SORCS3: variants seen among roughly 807,000 people sequenced by gnomAD.
The protein encoded by SORCS3 is sortilin related VPS10 domain containing receptor 3, also known as VPS10 domain-containing receptor SorCS3.
A neutral mutation model predicts 146.3 loss-of-function variants in SORCS3; 57 were observed. The ratio of observed to expected loss-of-function variants is 0.39; its 90% CI spans 0.31 to 0.49. The LOEUF (loss-of-function observed/expected upper bound fraction) is 0.49, where lower values mean the gene tolerates loss of function less well. Among genes scored for constraint, SORCS3 ranks in the 20% least tolerant of loss-of-function variants. The probability of loss-of-function intolerance (pLI) is 0.92; values close to 1 mark genes in which losing one functional copy is unlikely to be tolerated. For missense variants in SORCS3, 1,341 were observed against 1,575.5 expected, an observed-to-expected ratio of 0.85 and a Z score of 2.52; for synonymous variants, 653 against 618.5, an observed-to-expected ratio of 1.06 and a Z score of -0.83.
At chr10:104,864,597 C>T (rs2018440736) in intron 2 of SORCS3, among the ~76,000 whole-genome samples, 1 of 152,236 alleles carries the variant, frequency 6.6e-6, no homozygotes, top group Non-Finnish European at 1.5e-5. Context: ...GCAATATCAG[C>T]CAGTGGAGTG....
chr10:105,122,448 A>G (rs1322191239), intron 7 of SORCS3, among the ~76,000 whole-genome samples: 1 of 152,190 alleles, frequency 6.6e-6, no homozygotes, highest in Non-Finnish European at 1.5e-5. Context: ...GCTTGATGTG[A>G]TTGAGGATCT....
chr10:105,087,908 C>T (rs55688465), intron 5 of SORCS3, among the ~76,000 whole-genome samples: 4,793 of 152,218 alleles, frequency 0.031, 109 homozygotes, highest in Non-Finnish European at 0.046. Flanking sequence ...ATTGGTCTGG[C>T]GAAGAGGACA....
chr10:105,092,837 A>G (rs1436454290), intron 6 of SORCS3, among the ~76,000 whole-genome samples: 1 of 152,174 alleles, frequency 6.6e-6, no homozygotes, highest in Non-Finnish European at 1.5e-5. Flanking sequence ...CTGATAAAGG[A>G]CATCTACAAA....
At chr10:104,955,043 TTAAC>T (rs2019472457) in intron 3 of SORCS3, among the ~76,000 whole-genome samples, 1 of 152,184 alleles carries the variant, frequency 6.6e-6, no homozygotes. Flanking sequence ...TTAACTAAAA[TTAAC>T]TATTTTTAAA....
chr10:104,804,372 T>C (rs193044528), intron 1 of SORCS3, among the ~76,000 whole-genome samples: 21 of 152,356 alleles, frequency 1.4e-4, no homozygotes, highest in African/African-American at 5.0e-4. Flanking sequence ...AAACAGGTTG[T>C]TGAAAGTTTC....
At chr10:104,962,328 C>A (rs2054800933) in intron 3 of SORCS3, among the ~76,000 whole-genome samples, 1 of 152,158 alleles carries the variant, frequency 6.6e-6, no homozygotes, top group African/African-American at 2.4e-5. Context: ...AGCCTGAAAA[C>A]AGCATGGGAG....
intron 1 of SORCS3, among the ~76,000 whole-genome samples, chr10:104,756,311 C>T (rs530957657): frequency 6.6e-6 from 1 of 152,278 alleles, no homozygotes; most frequent in African/African-American, 2.4e-5. Context: ...CACTGTCCTT[C>T]AGAAGTATAC....
At chr10:104,916,719 G>C (rs1482521859) in intron 3 of SORCS3, among the ~76,000 whole-genome samples, 1 of 152,040 alleles carries the variant, frequency 6.6e-6, no homozygotes, top group Non-Finnish European at 1.5e-5. Context: ...TCAAATACAT[G>C]CACCAAAATG....
intron 4 of SORCS3, among the ~76,000 whole-genome samples, chr10:105,010,531 G>C (rs2055128672): frequency 6.6e-6 from 1 of 152,194 alleles, no homozygotes; most frequent in African/African-American, 2.4e-5. Flanking sequence ...GGGAACTATA[G>C]CTTTAAGTTG....
intron 4 of SORCS3, among the ~76,000 whole-genome samples, chr10:104,985,684 A>T (rs2054957974): frequency 1.3e-5 from 2 of 152,202 alleles, no homozygotes; most frequent in South Asian, 4.1e-4. Flanking sequence ...TTTCTATTTG[A>T]TCCACGGTCT....
chr10:104,967,484 T>C (rs2054832386), intron 3 of SORCS3, among the ~76,000 whole-genome samples: 1 of 152,148 alleles, frequency 6.6e-6, no homozygotes, highest in African/African-American at 2.4e-5. Flanking sequence ...TTTCATCTTG[T>C]GTGACTGAAA....
chr10:104,682,926 G>T (rs1390966707), intron 1 of SORCS3, among the ~76,000 whole-genome samples: 2 of 152,156 alleles, frequency 1.3e-5, no homozygotes, highest in African/African-American at 4.8e-5. Flanking sequence ...TCTTGCTCAG[G>T]CCTGGTCCAG....
At chr10:105,166,173 T>C (rs2056311163) in intron 12 of SORCS3, among the ~76,000 whole-genome samples, 1 of 152,168 alleles carries the variant, frequency 6.6e-6, no homozygotes, top group South Asian at 2.1e-4. Context: ...GGTTTAGGAC[T>C]GAGAAACTAC....
chr10:104,718,254 T>C (rs2016502622), intron 1 of SORCS3, among the ~76,000 whole-genome samples: 1 of 152,118 alleles, frequency 6.6e-6, no homozygotes, highest in South Asian at 2.1e-4. Context: ...CCCTACCTGG[T>C]GTAGGCCTTT....
intron 1 of SORCS3, among the ~76,000 whole-genome samples, chr10:104,807,197 G>A (rs1011063224): frequency 9.2e-5 from 14 of 151,602 alleles, no homozygotes; most frequent in Admixed American, 7.9e-4. Context: ...GTGTGTGTGC[G>A]CATGTGTGTG....
intron 1 of SORCS3, among the ~76,000 whole-genome samples, chr10:104,771,540 G>A (rs1408987076): frequency 1.3e-5 from 2 of 152,156 alleles, no homozygotes; most frequent in Non-Finnish European, 2.9e-5. Flanking sequence ...TGAACTTTTG[G>A]GGTGGCAGGC....
intron 1 of SORCS3, among the ~76,000 whole-genome samples, chr10:104,776,631 A>C (rs754842527): frequency 6.6e-6 from 1 of 151,880 alleles, no homozygotes; most frequent in Non-Finnish European, 1.5e-5. Flanking sequence ...GTTTGCAAGG[A>C]AGATTGTCTA....
intron 1 of SORCS3, among the ~76,000 whole-genome samples, chr10:104,773,485 T>G (rs563210151): frequency 1.4e-4 from 21 of 152,346 alleles, no homozygotes; most frequent in Non-Finnish European, 2.4e-4. Flanking sequence ...AATTGGTAAA[T>G]GCTATAAATC....
chr10:105,220,223 C>A (rs1299697981), intron 19 of SORCS3, among the ~76,000 whole-genome samples: 1 of 152,150 alleles, frequency 6.6e-6, no homozygotes, highest in Non-Finnish European at 1.5e-5. Flanking sequence ...GGCTCAGAAT[C>A]TTTGCCCTAA....
Sources: gnomAD v4.1 joint callset for allele counts (sites outside exome capture counted in the v4.1 genomes callset) on GRCh38, gnomAD v4.1.1 for gene constraint, MANE v1.5 for transcripts, NCBI Gene and HGNC (gene_info 2026-07-23, HGNC 2026-07-21) for gene names.